Variants in AUTS2 observed in about 807,000 individuals in gnomAD.
AUTS2 encodes the protein autism susceptibility gene 2 protein.
A neutral mutation model predicts 112.4 loss-of-function variants in AUTS2; 17 were observed. The ratio of observed to expected loss-of-function variants is 0.15; its 90% CI spans 0.10 to 0.23. The LOEUF (loss-of-function observed/expected upper bound fraction) is 0.23. AUTS2 is among the 10% of genes least tolerant of loss of function. The pLI is 1.00. For synonymous variants in AUTS2, 751 were observed against 702.7 expected, an observed-to-expected ratio of 1.07 and a Z score of -1.09; for missense variants, 1,510 against 1,701.6, an observed-to-expected ratio of 0.89 and a Z score of 1.98.
chr7:70,763,117 C>T lies in AUTS2; in HGVS notation c.990C>T (p.Ala330=), dbSNP rs1789674565. ...CTGACTTGGTGCAGCGCACAGAGGCCCCACCTCAACCCCCACCTCTGAGTA... is the reference window on the plus strand; with the variant it reads ...CTGACTTGGTGCAGCGCACAGAGGCTCCACCTCAACCCCCACCTCTGAGTA... ...PDPDLVQRTE[A]PPQPPPLSTQ... is the part of the protein sequence containing the mutation. The change falls in exon 7 of 19, where the codon GCC becomes GCT. Residue 330 remains alanine, a synonymous_variant. Coordinates refer to ENST00000342771, the MANE Select transcript of AUTS2 (RefSeq NM_015570.4). The T allele has an allele frequency of 6.2e-7, 1 of 1,613,860 alleles. No individual in the cohort carries two copies. Among genetic ancestry groups the T allele is most frequent in the African/African-American group, 1.3e-5 (1 of 74,896 alleles).
At chr7:69,756,272 G>A (rs1787941687) in intron 1 of AUTS2, among the ~76,000 whole-genome samples, 1 of 152,222 alleles carries the variant, frequency 6.6e-6, no homozygotes, top group Non-Finnish European at 1.5e-5. Flanking sequence ...AAATTATAGG[G>A]TGGGAAAGAA....
At chr7:70,092,553 A>G (rs936721619) in intron 2 of AUTS2, among the ~76,000 whole-genome samples, 1 of 152,160 alleles carries the variant, frequency 6.6e-6, no homozygotes, top group African/African-American at 2.4e-5. Flanking sequence ...CTTTATTGAG[A>G]CTGGACAACC....
chr7:70,434,274 G>A (rs1433750553), intron 4 of AUTS2, among the ~76,000 whole-genome samples: 1 of 152,168 alleles, frequency 6.6e-6, no homozygotes, highest in Non-Finnish European at 1.5e-5. Context: ...TTAGCCTCAA[G>A]AAAAATTGAG....
At chr7:70,152,530 C>T (rs1406789730) in intron 4 of AUTS2, among the ~76,000 whole-genome samples, 1 of 151,294 alleles carries the variant, frequency 6.6e-6, no homozygotes, top group Non-Finnish European at 1.5e-5. Flanking sequence ...GTGAATATAA[C>T]TTTCAAAAGA....
At chr7:70,256,333 G>A (rs183031010) in intron 4 of AUTS2, among the ~76,000 whole-genome samples, 1 of 152,326 alleles carries the variant, frequency 6.6e-6, no homozygotes, top group East Asian at 1.9e-4. Flanking sequence ...CTAAAGGGAT[G>A]TGTGTAAATG....
rs72307911 is a variant in AUTS2, at chr7:70,615,565, C to CTTCTTG, written c.691-83002_691-83001insCTTGTT. ...AAAAAAACCTCTAGAAGATTTATGGCTTGTTGTTGTTGTTGTTGTTGTTGT... is the reference window on the plus strand; with the variant it reads ...AAAAAAACCTCTAGAAGATTTATGGCTTCTTGTTGTTGTTGTTGTTGTTGTTGTTGT... On this transcript the variant is annotated intron_variant, in intron 5 of 18. Coordinates refer to ENST00000342771, the MANE Select transcript of AUTS2 (RefSeq NM_015570.4). Among the ~76,000 whole-genome samples, 6 of 148,590 alleles carry CTTCTTG rather than the reference C, an allele frequency of 4.0e-5. No individual in the cohort carries two copies. In the South Asian group the frequency reaches 1.1e-3, roughly 27 times the overall value.
At chr7:70,323,644 T>G (rs1335836873) in intron 4 of AUTS2, among the ~76,000 whole-genome samples, 1 of 152,246 alleles carries the variant, frequency 6.6e-6, no homozygotes, top group African/African-American at 2.4e-5. Flanking sequence ...GCCACAATCC[T>G]GATCTCGCAA....
chr7:70,504,272 G>A (rs1045215114), intron 5 of AUTS2, among the ~76,000 whole-genome samples: 2 of 151,754 alleles, frequency 1.3e-5, no homozygotes, highest in African/African-American at 4.8e-5. Flanking sequence ...GGTTTAGAGA[G>A]GTCTAATGAA....
At chr7:70,231,647 G>A (rs1359863494) in intron 4 of AUTS2, among the ~76,000 whole-genome samples, 4 of 151,966 alleles carry the variant, frequency 2.6e-5, no homozygotes, top group African/African-American at 9.7e-5. Context: ...GTTTCGCCAT[G>A]TTAGCCAGGA....
At chr7:70,095,898 G>A (rs988643389) in intron 2 of AUTS2, among the ~76,000 whole-genome samples, 1 of 152,204 alleles carries the variant, frequency 6.6e-6, no homozygotes, top group Non-Finnish European at 1.5e-5. Flanking sequence ...TCACCTCTAT[G>A]TATTAATTTA....
intron 13 of AUTS2, among the ~76,000 whole-genome samples, chr7:70,776,283 G>T (rs2129559023): frequency 6.6e-6 from 1 of 152,256 alleles, no homozygotes; most frequent in Admixed American, 6.5e-5. Context: ...CGAGCTTATG[G>T]GTAGATTACT....
chr7:70,774,429 AAATG>A, intron 12 of AUTS2: 1 of 264,068 alleles, frequency 3.8e-6, no homozygotes, highest in South Asian at 9.5e-5. Context: ...TGTCTTACAC[AAATG>A]AAGTAGCTAC....
intron 1 of AUTS2, among the ~76,000 whole-genome samples, chr7:69,752,360 C>A (rs1265430206): frequency 2.6e-5 from 4 of 152,208 alleles, no homozygotes; most frequent in Non-Finnish European, 4.4e-5. Context: ...TGGATCCAAG[C>A]CAAGGCTGTC....
intron 2 of AUTS2, among the ~76,000 whole-genome samples, chr7:69,989,440 G>T (rs1337293058): frequency 6.6e-6 from 1 of 152,118 alleles, no homozygotes; most frequent in Non-Finnish European, 1.5e-5. Context: ...GAGCTTTTTA[G>T]AGCACCTATT....
chr7:70,214,778 CAG>C (rs756967548), intron 4 of AUTS2, among the ~76,000 whole-genome samples: 17 of 152,100 alleles, frequency 1.1e-4, no homozygotes, highest in South Asian at 2.1e-4. Flanking sequence ...TGTATACAAA[CAG>C]TAATATTTTC....
intron 4 of AUTS2, chr7:70,290,829 T>C (rs757141876): frequency 9.0e-6 from 2 of 223,436 alleles, no homozygotes; most frequent in Non-Finnish European, 1.6e-5. Context: ...AGTGTGTATA[T>C]GTTCAATGTA....
chr7:70,023,640 TTTGG>T (rs1800384128), intron 2 of AUTS2, among the ~76,000 whole-genome samples: 1 of 152,036 alleles, frequency 6.6e-6, no homozygotes, highest in South Asian at 2.1e-4. Flanking sequence ...GTTTTTGGAG[TTTGG>T]TTGGAGGATT....
chr7:69,768,146 C>T (rs1788509259), intron 1 of AUTS2, among the ~76,000 whole-genome samples: 1 of 152,190 alleles, frequency 6.6e-6, no homozygotes, highest in South Asian at 2.1e-4. Context: ...GTCTCTGATG[C>T]AATGGGATGG....
chr7:70,755,403 G>A (rs772726065), intron 6 of AUTS2, among the ~76,000 whole-genome samples: 5 of 151,978 alleles, frequency 3.3e-5, no homozygotes, highest in Non-Finnish European at 5.9e-5. Flanking sequence ...GGTGGCTCAC[G>A]CCTGTAATCC....
Sources: allele counts gnomAD v4.1 joint callset (sites outside exome capture counted in the v4.1 genomes callset), GRCh38; gene constraint gnomAD v4.1.1; transcripts MANE v1.5; gene names NCBI Gene and HGNC (gene_info 2026-07-23, HGNC 2026-07-21).